The following MDH1B variants were observed in gnomAD, a reference collection of about 807,000 sequenced individuals.
MDH1B encodes malate dehydrogenase 1B, also known as putative malate dehydrogenase 1B.
MDH1B carries 60 observed loss-of-function variants against 61.4 expected under a neutral mutation model. That is an observed-to-expected ratio of 0.98 (90% CI 0.79 to 1.21). The LOEUF is 1.21. Among genes scored for constraint, MDH1B ranks in the 50% most tolerant of loss-of-function variants. MDH1B has a pLI of 0.00. For missense variants in MDH1B, 587 were observed against 632.1 expected (o/e 0.93, Z 0.76); for synonymous variants, 236 against 218.7 (o/e 1.08, Z -0.70).
chr2:206,750,106 A>G (rs909295278), intron 6 of MDH1B, among the ~76,000 whole-genome samples: 3 of 152,002 alleles, frequency 2.0e-5, no homozygotes, highest in African/African-American at 7.2e-5. Flanking sequence ...CGAAGCTCCT[A>G]TGGTCTGAGG....
At position 206,738,429 on chromosome 2, in the gene MDH1B, T is replaced by C; in HGVS notation, c.*54A>G. The C allele has an allele frequency of 7.5e-7, 1 of 1,326,628 alleles. No individual in the cohort carries two copies. Among genetic ancestry groups the C allele is most frequent in the Non-Finnish European group, 1.1e-6 (1 of 950,202 alleles). 82.2% of individuals were successfully genotyped at this position (1,326,628 alleles called of 1,614,324 possible). A position where few individuals can be genotyped will look rare whatever the true frequency, so the allele number is the denominator to read the frequency against. On this transcript the variant is annotated 3_prime_UTR_variant, in exon 12 of 12. Transcript: ENST00000374412. ...TAAATATAGACATTCATATAAATTC[T>C]TTCTATGTTTATTGTGCTATCAAGT...
chr2:206,761,954 G>A (rs140092682), intron 1 of MDH1B, among the ~76,000 whole-genome samples: 2 of 152,066 alleles, frequency 1.3e-5, no homozygotes, highest in East Asian at 3.9e-4. Flanking sequence ...CTATCCTTTT[G>A]GGAAATGAGC....
intron 2 of MDH1B, among the ~76,000 whole-genome samples, chr2:206,758,224 G>C (rs1246713452): frequency 6.6e-6 from 1 of 152,204 alleles, no homozygotes; most frequent in Non-Finnish European, 1.5e-5. Context: ...TAATGTCCCA[G>C]CAGGAGCTGC....
Position 206,738,141 on chromosome 2 carries a change from A to T in MDH1B, c.*342T>A. 5.4e-6 allele frequency: 1 copy of T among 186,310 alleles called. No homozygotes were observed. The highest frequency in any genetic ancestry group is 1.4e-4 in the East Asian group (1 of 7,148). The allele number at this position is 186,310 out of a possible 1,614,324, so 11.5% of individuals were successfully genotyped here. A position where few individuals can be genotyped will look rare whatever the true frequency, so the allele number is the denominator to read the frequency against. On this transcript the variant is annotated 3_prime_UTR_variant, in exon 12 of 12. Coordinates refer to ENST00000374412, the MANE Select transcript of MDH1B (RefSeq NM_001039845.3). ...ACATGGCCACTTAGGTGCAGGTCTTAGGTATGGCTGATGGAAGGAAGCAGG... is the reference window on the plus strand; with the variant it reads ...ACATGGCCACTTAGGTGCAGGTCTTTGGTATGGCTGATGGAAGGAAGCAGG...
intron 4 of MDH1B, among the ~76,000 whole-genome samples, chr2:206,756,280 C>T (rs1253757574): frequency 6.6e-6 from 1 of 151,954 alleles, no homozygotes; most frequent in Non-Finnish European, 1.5e-5. Context: ...TAAAATATTT[C>T]ATAATAACAA....
Position 206,737,956 on chromosome 2 carries a change from G to C in MDH1B, c.*527C>G, listed in dbSNP as rs1445236008. On this transcript the variant is annotated 3_prime_UTR_variant, in exon 12 of 12. Transcript: ENST00000374412. ...GCTCTGAAGAGCTCACAGGCACATAGTTCACCACCATTAACCTGACCCAGA... is the reference window on the plus strand; with the variant it reads ...GCTCTGAAGAGCTCACAGGCACATACTTCACCACCATTAACCTGACCCAGA... The C allele has an allele frequency of 2.0e-5, 3 of 152,650 alleles. No homozygotes were observed. Among genetic ancestry groups the C allele is most frequent in the African/African-American group, 7.2e-5 (3 of 41,436 alleles). The allele number at this position is 152,650 out of a possible 1,614,324, so 9.5% of individuals were successfully genotyped here. A position where few individuals can be genotyped will look rare whatever the true frequency, so the allele number is the denominator to read the frequency against.
Position 206,760,134 on chromosome 2 carries a change from C to T in MDH1B, c.135+767G>A, listed in dbSNP as rs576947164. ...CACAACAGGTGAACTGTAGCCAGTG[C>T]TGTCATGTACACTCCAGGTTCCCCC... On this transcript the variant is annotated intron_variant, in intron 2 of 11. Transcript: ENST00000374412. Among the ~76,000 whole-genome samples the T allele has an allele frequency of 1.2e-4, 19 of 152,328 alleles. 1 individual carries two copies. Among genetic ancestry groups the T allele is most frequent in the African/African-American group, 4.3e-4 (18 of 41,578 alleles).
At chr2:206,741,445 C>T (rs1168163945) in intron 9 of MDH1B, 2 of 316,968 alleles carry the variant, frequency 6.3e-6, no homozygotes, top group Admixed American at 8.9e-5. Flanking sequence ...GACAGACCCA[C>T]CCTTAATCTG....
intron 2 of MDH1B, among the ~76,000 whole-genome samples, chr2:206,758,627 G>A (rs1009306775): frequency 4.6e-5 from 7 of 152,160 alleles, no homozygotes; most frequent in South Asian, 2.1e-4. Flanking sequence ...TTAGCCAGGC[G>A]TGGTGATGGG....
At chr2:206,759,332 G>A (rs894993842) in intron 2 of MDH1B, among the ~76,000 whole-genome samples, 2 of 152,166 alleles carry the variant, frequency 1.3e-5, no homozygotes, top group African/African-American at 4.8e-5. Context: ...TTTCGTGGCT[G>A]TGTAGTATTT....
chr2:206,746,267 T>G lies in MDH1B; in HGVS notation c.1356+20A>C. 6.2e-7 allele frequency: 1 copy of G among 1,606,072 alleles called. No individual in the cohort carries two copies. The highest frequency in any genetic ancestry group is 1.1e-5 in the South Asian group (1 of 89,580). ...AGGTCATTATCAAGGTCAGTCCCCT[T>G]GCATCTATTCTGACATTACCTGAAT... On this transcript the variant is annotated intron_variant, in intron 8 of 11. Coordinates refer to ENST00000374412, the MANE Select transcript of MDH1B (RefSeq NM_001039845.3).
At chr2:206,758,856 T>C (rs1036348418) in intron 2 of MDH1B, among the ~76,000 whole-genome samples, 3 of 151,690 alleles carry the variant, frequency 2.0e-5, no homozygotes, top group Non-Finnish European at 2.9e-5. Context: ...CTGGAAGGGA[T>C]TGGAGGATAC....
Position 206,739,601 on chromosome 2 carries a change from A to G in MDH1B, c.1520T>C (p.Phe507Ser). 6.2e-7 allele frequency: 1 copy of G among 1,613,902 alleles called. No homozygotes were observed. The highest frequency in any genetic ancestry group is 8.5e-7 in the Non-Finnish European group (1 of 1,179,806). Residue 507 changes from phenylalanine to serine, a missense_variant, in exon 11 of 12, where the codon TTC becomes TCC. Physicochemically the swap from Phe to Ser is radical, Grantham distance 155 (BLOSUM62 -2). Transcript: ENST00000374412. ...TTFEKPQSLEFLNEFEGKTVE... is the reference protein window; with the variant it reads ...TTFEKPQSLESLNEFEGKTVE... Reference sequence around the variant, plus strand: ...TTTTGTCTACCACCTACCATTTAGGAACTCAAGACTCTGTGGCTTTTCAAA... The same window carrying G: ...TTTTGTCTACCACCTACCATTTAGGGACTCAAGACTCTGTGGCTTTTCAAA...
chr2:206,748,361 A>C (rs1034682636), intron 7 of MDH1B, among the ~76,000 whole-genome samples: 2 of 152,264 alleles, frequency 1.3e-5, no homozygotes, highest in African/African-American at 4.8e-5. Context: ...CCTGAGCGTC[A>C]CAGCAAGACT....
chr2:206,743,758 T>C (rs956442109), intron 9 of MDH1B, among the ~76,000 whole-genome samples: 2 of 151,790 alleles, frequency 1.3e-5, no homozygotes, highest in African/African-American at 4.8e-5. Flanking sequence ...TTCTCATATT[T>C]TCTCTCTCTC....
Position 206,751,756 on chromosome 2 carries a change from A to C in MDH1B, c.911-681T>G, listed in dbSNP as rs147110398. Among the ~76,000 whole-genome samples, 3 of 152,382 alleles carry C rather than the reference A, an allele frequency of 2.0e-5. No homozygotes were observed. The East Asian group carries it at 5.8e-4, about 29-fold the overall frequency. ...AGCGATACATGCTAAGAAGTAAAAT[A>C]AGACCATAGTGGTTAGAGAGAAATA... is the stretch of plus-strand genomic sequence containing the variant. On this transcript the variant is annotated intron_variant, in intron 5 of 11. Transcript: ENST00000374412.
intron 6 of MDH1B, among the ~76,000 whole-genome samples, chr2:206,749,896 G>A (rs912348850): frequency 1.3e-5 from 2 of 152,208 alleles, no homozygotes; most frequent in African/African-American, 2.4e-5. Flanking sequence ...GGGTGTTCAA[G>A]CTGGATTCAC....
chr2:206,755,543 TC>T lies in MDH1B; in HGVS notation c.414-39del, dbSNP rs769789027. 14 of 1,569,030 alleles carry T rather than the reference TC, an allele frequency of 8.9e-6. No homozygotes were observed. In the South Asian group the frequency reaches 1.7e-4, roughly 19 times the overall value. On this transcript the variant is annotated intron_variant, in intron 4 of 11. Transcript: ENST00000374412. ...CAAAGCCGCATTGTGAATAGTTATA[TC>T]CTTTGTCCCTTTTAAGCCTTTATTC...
intron 6 of MDH1B, among the ~76,000 whole-genome samples, chr2:206,749,887 G>T (rs544314720): frequency 1.3e-5 from 2 of 152,268 alleles, no homozygotes; most frequent in South Asian, 4.2e-4. Flanking sequence ...TTTGGATTGG[G>T]GTGTTCAAGC....
Sources: gnomAD v4.1 joint callset for allele counts (sites outside exome capture counted in the v4.1 genomes callset) on GRCh38, gnomAD v4.1.1 for gene constraint, MANE v1.5 for transcripts, NCBI Gene and HGNC (gene_info 2026-07-23, HGNC 2026-07-21) for gene names.